CDH10: variants seen among roughly 807,000 people sequenced by gnomAD.
CDH10 encodes the protein cadherin 10, also known as cadherin-10.
In CDH10, 30 loss-of-function variants were observed where a neutral mutation model predicts 73.1. That is an observed-to-expected ratio of 0.41 (90% CI 0.31 to 0.56). The LOEUF (loss-of-function observed/expected upper bound fraction) is 0.56. Ranked by LOEUF, CDH10 falls within the 20% of genes least tolerant of loss-of-function variation. The probability of loss-of-function intolerance (pLI) is 0.27; values close to 1 mark genes in which losing one functional copy is unlikely to be tolerated. For missense variants in CDH10, 815 were observed against 973.7 expected (o/e 0.84, Z 2.17); for synonymous variants, 345 against 348.2 (o/e 0.99, Z 0.10).
rs183041520 is a variant in CDH10 at position 24,618,594 on chromosome 5, T to C, written c.-123-24981A>G. Among the ~76,000 whole-genome samples, 1,049 of 152,292 alleles carry C rather than the reference T, an allele frequency of 6.9e-3. 11 individuals are homozygous for C. The highest frequency in any genetic ancestry group is 0.024 in the African/African-American group (1,007 of 41,580). On this transcript the variant is annotated intron_variant, in intron 1 of 11. Coordinates refer to ENST00000264463, the MANE Select transcript of CDH10 (RefSeq NM_006727.5). Reference sequence around the variant, plus strand: ...CTTAATTTTATCTGACATAGAGATTTCAAACAAGTACTGGTTCTAGCCAAC... The same window carrying C: ...CTTAATTTTATCTGACATAGAGATTCCAAACAAGTACTGGTTCTAGCCAAC...
chr5:24,610,032 T>C (rs1746892536), intron 1 of CDH10: 1 of 152,222 alleles, frequency 6.6e-6, no homozygotes, highest in South Asian at 2.1e-4. Context: ...CCCTCGCATA[T>C]GGCAAGGAGG....
intron 5 of CDH10, among the ~76,000 whole-genome samples, chr5:24,530,759 T>C (rs1164223306): frequency 6.6e-6 from 1 of 152,046 alleles, no homozygotes; most frequent in Non-Finnish European, 1.5e-5. Context: ...GATTTAGGTA[T>C]TAGATATTAG....
At chr5:24,613,965 T>C (rs1482726344) in intron 1 of CDH10, among the ~76,000 whole-genome samples, 6 of 152,192 alleles carry the variant, frequency 3.9e-5, no homozygotes, top group Non-Finnish European at 8.8e-5. Flanking sequence ...AAGAATTACC[T>C]ATTCAGAGAG....
At chr5:24,613,156 A>T (rs188255958) in intron 1 of CDH10, 20 of 152,282 alleles carry the variant, frequency 1.3e-4, no homozygotes, top group Admixed American at 9.8e-4. Context: ...GAGAAAAAAA[A>T]AATGGATAAC....
chr5:24,589,444 T>C (rs1225211889), intron 2 of CDH10, among the ~76,000 whole-genome samples: 1 of 152,038 alleles, frequency 6.6e-6, no homozygotes, highest in South Asian at 2.1e-4. Context: ...GAGATTTTAC[T>C]ATACTGACTT....
chr5:24,628,529 A>C (rs1747585780), intron 1 of CDH10, among the ~76,000 whole-genome samples: 1 of 152,158 alleles, frequency 6.6e-6, no homozygotes, highest in Non-Finnish European at 1.5e-5. Flanking sequence ...TGACTTTGAA[A>C]GTATTTGGGT....
At chr5:24,494,313 G>A (rs1742180051) in intron 9 of CDH10, among the ~76,000 whole-genome samples, 2 of 151,754 alleles carry the variant, frequency 1.3e-5, no homozygotes, top group African/African-American at 2.4e-5. Flanking sequence ...TCAATTCAGT[G>A]AAAAAACATT....
intron 2 of CDH10, among the ~76,000 whole-genome samples, chr5:24,577,365 C>G (rs1016946477): frequency 6.6e-6 from 1 of 152,048 alleles, no homozygotes; most frequent in Non-Finnish European, 1.5e-5. Flanking sequence ...TTTCTACAAA[C>G]CTGAAAGTAT....
At chr5:24,571,099 G>A (rs1054160607) in intron 2 of CDH10, among the ~76,000 whole-genome samples, 10 of 152,218 alleles carry the variant, frequency 6.6e-5, no homozygotes, top group African/African-American at 2.4e-4. Flanking sequence ...TCAGTGAAGA[G>A]CAAATTTAAG....
In CDH10 at chr5:24,491,668, A is replaced by G; in HGVS notation, c.1784T>C (p.Met595Thr). The G allele has an allele frequency of 1.9e-6, 3 of 1,613,916 alleles. No homozygotes were observed. The highest frequency in any genetic ancestry group is 1.7e-5 in the Admixed American group (1 of 60,012). The change falls in exon 11 of 12, where the codon ATG becomes ACG. Residue 595 changes from methionine to threonine, a missense_variant. Physicochemically the swap from Met to Thr is moderately conservative, Grantham distance 81. Transcript: ENST00000264463. The part of the protein sequence containing the change: ...RVCACDSQGN[M>T]QSCSAEALLL... ...CAGGGCTTCAGCACTGCAGGATTGC[A>G]TGTTGCCTTGGCTGTCACAAGCACA...
chr5:24,537,693 A>G lies in CDH10; in HGVS notation c.232-19T>C. The G allele has an allele frequency of 6.7e-7, 1 of 1,496,434 alleles. No homozygotes were observed. The highest frequency in any genetic ancestry group is 9.2e-7 in the Non-Finnish European group (1 of 1,091,524). The allele number at this position is 1,496,434 out of a possible 1,614,324, so 92.7% of individuals were successfully genotyped here. The stretch of plus-strand genomic sequence containing the variant: ...AATGTAGCTAGGGGAAATAAAAAAG[A>G]GTATATCCATGATCATGTATAAAGG... On this transcript the variant is annotated intron_variant, in intron 2 of 11. Coordinates refer to ENST00000264463, the MANE Select transcript of CDH10 (RefSeq NM_006727.5).
rs1745779115 is a variant in CDH10, at chr5:24,581,029, T to G, written c.231+12231A>C. 2.6e-5 allele frequency among the ~76,000 whole-genome samples: 4 copies of G among 152,170 alleles called. No homozygotes were observed. The South Asian group carries it at 8.3e-4, about 31-fold the overall frequency. On this transcript the variant is annotated intron_variant, in intron 2 of 11. Transcript: ENST00000264463. ...CTTCACATCAAGATCCTTAATTTGA[T>G]CACATTTGCATAGTCTCTTCAGACA... is the stretch of plus-strand genomic sequence containing the variant.
At chr5:24,560,351 C>T (rs1744915563) in intron 2 of CDH10, among the ~76,000 whole-genome samples, 1 of 151,874 alleles carries the variant, frequency 6.6e-6, no homozygotes, top group African/African-American at 2.4e-5. Context: ...ACCAACCCAC[C>T]AAGGCACATG....
chr5:24,552,754 A>G (rs1744592965), intron 2 of CDH10, among the ~76,000 whole-genome samples: 2 of 151,988 alleles, frequency 1.3e-5, no homozygotes, highest in South Asian at 4.1e-4. Context: ...AATTGTCTAA[A>G]TTCTTATTTT....
chr5:24,632,523 T>C (rs566295749), intron 1 of CDH10, among the ~76,000 whole-genome samples: 40 of 152,158 alleles, frequency 2.6e-4, no homozygotes, highest in Middle Eastern at 6.8e-3. Context: ...GAGCATGGTT[T>C]AATGGGAAGC....
chr5:24,640,559 T>C (rs1032266392), intron 1 of CDH10, among the ~76,000 whole-genome samples: 1 of 151,376 alleles, frequency 6.6e-6, no homozygotes, highest in African/African-American at 2.4e-5. Context: ...AGATTGAAAA[T>C]TGAAATCATG....
In CDH10 at chr5:24,641,236, C is replaced by G. The variant is rs927468482; in HGVS notation, c.-124+3358G>C. On this transcript the variant is annotated intron_variant, in intron 1 of 11. Coordinates refer to ENST00000264463, the MANE Select transcript of CDH10 (RefSeq NM_006727.5). ...AAATGTCAAGTGAGGTGAGACTGCT[C>G]TACAGTCAGAAAAGAAGAGGGCACA... Among the ~76,000 whole-genome samples the G allele has an allele frequency of 5.3e-5, 8 of 151,918 alleles. No individual in the cohort carries two copies. The East Asian group carries it at 1.6e-3, about 30-fold the overall frequency.
intron 2 of CDH10, among the ~76,000 whole-genome samples, chr5:24,576,599 A>C (rs1469823278): frequency 6.6e-6 from 1 of 152,126 alleles, no homozygotes; most frequent in Non-Finnish European, 1.5e-5. Flanking sequence ...TGAGTAACAA[A>C]GTCAGTCAAA....
In CDH10 at chr5:24,488,014, G is replaced by A. The variant is rs201737578; in HGVS notation, c.2016C>T (p.Ile672=). 5.6e-6 allele frequency: 9 copies of A among 1,613,796 alleles called. No homozygotes were observed. Among genetic ancestry groups the A allele is most frequent in the African/African-American group, 2.7e-5 (2 of 74,942 alleles). The change falls in exon 12 of 12, where the codon ATC becomes ATT. Residue 672 remains isoleucine, a synonymous_variant. Coordinates refer to ENST00000264463, the MANE Select transcript of CDH10 (RefSeq NM_006727.5). ...TGGCTGCAGGATTCCTCAGGGTGCC[G>A]ATATCAAAGGCCTGGGTGTCCTCCT... ...GGEEDTQAFD[I]GTLRNPAAIE... is the part of the protein sequence containing the mutation.
Sources: gnomAD v4.1 joint callset for allele counts (sites outside exome capture counted in the v4.1 genomes callset) on GRCh38, gnomAD v4.1.1 for gene constraint, MANE v1.5 for transcripts, NCBI Gene and HGNC (gene_info 2026-07-23, HGNC 2026-07-21) for gene names.